ADCY9: variants seen among roughly 807,000 people sequenced by gnomAD.
ADCY9 encodes adenylate cyclase 9, also known as adenylate cyclase type 9.
ADCY9 carries 50 observed loss-of-function variants against 101.5 expected under a neutral mutation model. The ratio of observed to expected loss-of-function variants is 0.49; its 90% CI spans 0.39 to 0.62. ADCY9 has a LOEUF of 0.62. Ranked by LOEUF, ADCY9 falls within the 20% of genes least tolerant of loss-of-function variation. The pLI is 0.00. For synonymous variants in ADCY9, 905 were observed against 769.3 expected (o/e 1.18, Z -2.92); for missense variants, 1,662 against 1,800.4 (o/e 0.92, Z 1.39).
chr16:3,986,309 G>C (rs766663863), intron 6 of ADCY9, among the ~76,000 whole-genome samples: 9 of 152,164 alleles, frequency 5.9e-5, no homozygotes, highest in Non-Finnish European at 1.0e-4. Flanking sequence ...AGGCTCCCTT[G>C]TCCTGGCATC....
chr16:4,011,910 C>T (rs1474357038), intron 2 of ADCY9, among the ~76,000 whole-genome samples: 5 of 152,212 alleles, frequency 3.3e-5, no homozygotes, highest in Admixed American at 6.5e-5. Context: ...GCTTACCACA[C>T]AGCTCGCATG....
chr16:4,001,553 C>T (rs543751770), intron 3 of ADCY9, among the ~76,000 whole-genome samples: 65 of 152,134 alleles, frequency 4.3e-4, no homozygotes, highest in African/African-American at 1.5e-3. Context: ...CCCCGCCCCC[C>T]ACCTTTCTTT....
chr16:4,020,482 C>T (rs373337739), intron 2 of ADCY9, among the ~76,000 whole-genome samples: 6 of 152,140 alleles, frequency 3.9e-5, no homozygotes, highest in Admixed American at 6.5e-5. Context: ...GACGCAAATA[C>T]GAGAGGGAGA....
At chr16:4,025,330 G>A (rs2056507147) in intron 2 of ADCY9, among the ~76,000 whole-genome samples, 1 of 150,928 alleles carries the variant, frequency 6.6e-6, no homozygotes, top group African/African-American at 2.4e-5. Context: ...GCGGACATTG[G>A]TGCCACTGCA....
At chr16:3,958,126 C>T (rs1045884858), downstream of ADCY9, among the ~76,000 whole-genome samples, 1 of 152,162 alleles carries the variant, frequency 6.6e-6, no homozygotes, top group Non-Finnish European at 1.5e-5. Context: ...AGCGGGGGCT[C>T]TGCGGGAGGA....
chr16:3,999,497 C>G (rs1330411239), intron 3 of ADCY9, among the ~76,000 whole-genome samples: 1 of 152,234 alleles, frequency 6.6e-6, no homozygotes, highest in Non-Finnish European at 1.5e-5. Flanking sequence ...CAGGAATAAT[C>G]CTGGCACCTT....
chr16:3,974,683 T>C lies in ADCY9; in HGVS notation c.2856A>G (p.Ala952=). The change falls in exon 10 of 11, where the codon GCA becomes GCG. Residue 952 remains alanine, a synonymous_variant. Transcript: ENST00000294016. ...DSSVLTSPLD[A]VQNFSSERNP... is the part of the protein sequence containing the mutation. ...TAAAAGCTTACCTGAAATTCTGTAC[T>C]GCGTCAAGGGGCGAAGTTAATACAG... 6.2e-7 allele frequency: 1 copy of C among 1,613,106 alleles called. No homozygotes were observed.
intron 2 of ADCY9, among the ~76,000 whole-genome samples, chr16:4,096,775 G>A (rs2057006341): frequency 6.6e-6 from 1 of 152,190 alleles, no homozygotes; most frequent in Admixed American, 6.5e-5. Context: ...TCACACGCAT[G>A]TGGGGTTTCT....
intron 10 of ADCY9, among the ~76,000 whole-genome samples, chr16:3,972,229 CTTTTCT>C (rs1327091854): frequency 3.1e-5 from 4 of 128,896 alleles, no homozygotes; most frequent in Non-Finnish European, 5.4e-5. Flanking sequence ...ATTTCTTTTT[CTTTTCT>C]TTTTTTTTTT....
chr16:4,090,004 C>G (rs1057232582), intron 2 of ADCY9, among the ~76,000 whole-genome samples: 1 of 152,066 alleles, frequency 6.6e-6, no homozygotes, highest in South Asian at 2.1e-4. Flanking sequence ...TCCGTGGGCC[C>G]GAGGGCTGCT....
intron 2 of ADCY9, among the ~76,000 whole-genome samples, chr16:4,009,435 T>C (rs908537460): frequency 2.6e-5 from 4 of 152,120 alleles, no homozygotes; most frequent in African/African-American, 7.2e-5. Flanking sequence ...CTTTCTTTCT[T>C]TTTTGAGATG....
At chr16:4,060,246 C>T (rs532518292) in intron 2 of ADCY9, among the ~76,000 whole-genome samples, 1 of 152,316 alleles carries the variant, frequency 6.6e-6, no homozygotes, top group African/African-American at 2.4e-5. Context: ...CCGGAAGATA[C>T]AGAGAATAAG....
intron 6 of ADCY9, among the ~76,000 whole-genome samples, chr16:3,987,592 C>G (rs2056204451): frequency 6.6e-6 from 1 of 152,230 alleles, no homozygotes; most frequent in Admixed American, 6.5e-5. Context: ...CAACTGCCAA[C>G]TTGCAAGTCC....
chr16:4,094,135 C>T (rs892921421), intron 2 of ADCY9, among the ~76,000 whole-genome samples: 1 of 152,176 alleles, frequency 6.6e-6, no homozygotes, highest in Non-Finnish European at 1.5e-5. Flanking sequence ...GAGACGTTCA[C>T]TATGAAATGT....
rs1597137211 is a variant in ADCY9, at chr16:3,974,190, C to T, written c.2870+479G>A. Among the ~76,000 whole-genome samples the T allele has an allele frequency of 4.6e-5, 7 of 152,256 alleles. 1 individual carries two copies. In the South Asian group the frequency reaches 1.4e-3, roughly 32 times the overall value. On this transcript the variant is annotated intron_variant, in intron 10 of 10. Coordinates refer to ENST00000294016, the MANE Select transcript of ADCY9 (RefSeq NM_001116.4). ...CTGAGTAGCTGGGACTACAGGCGCC[C>T]GCCACCATGCCCAGCTAATTTTTTG...
intron 2 of ADCY9, among the ~76,000 whole-genome samples, chr16:4,056,918 T>C (rs1021629359): frequency 6.6e-5 from 10 of 152,000 alleles, no homozygotes; most frequent in African/African-American, 2.2e-4. Context: ...TCCAGGATGA[T>C]GTGAGTGCAA....
At chr16:4,030,885 T>C (rs1485353893) in intron 2 of ADCY9, among the ~76,000 whole-genome samples, 1 of 152,208 alleles carries the variant, frequency 6.6e-6, no homozygotes, top group Non-Finnish European at 1.5e-5. Context: ...GCTGGTTTAG[T>C]GGATGTGTTC....
At chr16:4,080,853 C>T (rs1369059393) in intron 2 of ADCY9, among the ~76,000 whole-genome samples, 2 of 151,610 alleles carry the variant, frequency 1.3e-5, no homozygotes, top group Admixed American at 6.6e-5. Context: ...TTTCTGATAA[C>T]CTGCTCAGGA....
At chr16:3,983,191 T>C in intron 7 of ADCY9, 41 bp downstream of exon 7, 1 of 1,514,420 alleles carries the variant, frequency 6.6e-7, no homozygotes, top group South Asian at 1.2e-5. Flanking sequence ...AAGAGGGAGC[T>C]AACGGCTCAG....
Sources: gnomAD v4.1 joint callset for allele counts (sites outside exome capture counted in the v4.1 genomes callset) on GRCh38, gnomAD v4.1.1 for gene constraint, MANE v1.5 for transcripts, NCBI Gene and HGNC (gene_info 2026-07-23, HGNC 2026-07-21) for gene names.